The following TLE4 variants were observed in gnomAD, a reference collection of about 807,000 sequenced individuals.
TLE4 encodes the protein TLE family member 4, transcriptional corepressor.
TLE4 carries 8 observed loss-of-function variants against 92.8 expected under a neutral mutation model. The ratio of observed to expected loss-of-function variants is 0.09; its 90% CI spans 0.05 to 0.16. TLE4 has a LOEUF of 0.16. Among genes scored for constraint, TLE4 ranks in the 10% least tolerant of loss-of-function variants. TLE4 has a pLI of 1.00. For synonymous variants in TLE4, 371 were observed against 374.1 expected (o/e 0.99, Z 0.10); for missense variants, 675 against 997.6 (o/e 0.68, Z 4.36).
At chr9:79,662,933 C>T (rs548173675) in intron 8 of TLE4, among the ~76,000 whole-genome samples, 4 of 152,254 alleles carry the variant, frequency 2.6e-5, no homozygotes, top group Admixed American at 6.5e-5. Context: ...GATCCTCCCT[C>T]GCCCCCACAA....
At chr9:79,665,256 T>G (rs1360414311) in intron 8 of TLE4, among the ~76,000 whole-genome samples, 1 of 152,226 alleles carries the variant, frequency 6.6e-6, no homozygotes, top group Non-Finnish European at 1.5e-5. Flanking sequence ...CAGATGAACT[T>G]GCAGTCCAAA....
chr9:79,625,248 T>G (rs1020185833), intron 5 of TLE4, among the ~76,000 whole-genome samples: 32 of 151,770 alleles, frequency 2.1e-4, no homozygotes, highest in African/African-American at 6.3e-4. Flanking sequence ...CTCGATCTCC[T>G]GACCTCGTGA....
chr9:79,701,039 C>T (rs1198352334), intron 8 of TLE4, among the ~76,000 whole-genome samples: 1 of 152,002 alleles, frequency 6.6e-6, no homozygotes, highest in Non-Finnish European at 1.5e-5. Flanking sequence ...AAAAGCTTTT[C>T]TAGTAAAAGC....
intron 8 of TLE4, chr9:79,671,295 T>G (rs1294737588): frequency 2.2e-6 from 1 of 456,164 alleles, no homozygotes; most frequent in Admixed American, 2.3e-5. Context: ...ATCCTGATTT[T>G]AAAAGACATT....
chr9:79,643,910 TTTCTC>T (rs1486297871), intron 6 of TLE4, among the ~76,000 whole-genome samples: 9 of 152,176 alleles, frequency 5.9e-5, no homozygotes, highest in Non-Finnish European at 1.3e-4. Context: ...CTTTTCCTGT[TTTCTC>T]CTCTCCTCGC....
intron 14 of TLE4, among the ~76,000 whole-genome samples, chr9:79,713,998 G>C (rs772954568): frequency 4.4e-4 from 67 of 151,898 alleles, no homozygotes; most frequent in Non-Finnish European, 7.9e-4. Flanking sequence ...CAAGTAGCTG[G>C]GATTACAGGC....
intron 4 of TLE4, among the ~76,000 whole-genome samples, chr9:79,600,083 C>T (rs1444406612): frequency 1.3e-5 from 2 of 152,168 alleles, no homozygotes; most frequent in East Asian, 1.9e-4. Flanking sequence ...CAAAAATACA[C>T]GGGCAGTAAT....
intron 14 of TLE4, among the ~76,000 whole-genome samples, chr9:79,711,573 C>T (rs1428610368): frequency 2.0e-5 from 3 of 152,100 alleles, no homozygotes; most frequent in Non-Finnish European, 4.4e-5. Flanking sequence ...AGCATAACCA[C>T]TAGAGCAAAT....
chr9:79,646,632 C>G (rs1005117584), intron 6 of TLE4, among the ~76,000 whole-genome samples: 3 of 152,078 alleles, frequency 2.0e-5, no homozygotes, highest in African/African-American at 7.2e-5. Context: ...ACCTGCTACT[C>G]TAGTTCTAGG....
chr9:79,702,199 G>C (rs983659874), intron 8 of TLE4, among the ~76,000 whole-genome samples: 1 of 152,208 alleles, frequency 6.6e-6, no homozygotes, highest in African/African-American at 2.4e-5. Context: ...TTGGGGTGTG[G>C]AGTGAGGACT....
intron 8 of TLE4, among the ~76,000 whole-genome samples, chr9:79,688,302 T>C (rs1244160524): frequency 6.6e-6 from 1 of 152,200 alleles, no homozygotes; most frequent in African/African-American, 2.4e-5. Context: ...ACATAGTTTT[T>C]GTGACTGTTT....
At chr9:79,617,701 G>A (rs1348269547) in intron 5 of TLE4, among the ~76,000 whole-genome samples, 1 of 152,092 alleles carries the variant, frequency 6.6e-6, no homozygotes, top group South Asian at 2.1e-4. Context: ...TTTCTGGGCT[G>A]CAGTTTGCTT....
intron 9 of TLE4, among the ~76,000 whole-genome samples, chr9:79,705,127 G>T (rs550827398): frequency 5.3e-5 from 8 of 152,340 alleles, no homozygotes; most frequent in African/African-American, 1.7e-4. Flanking sequence ...GCTAACAGAA[G>T]ACCTGGATGA....
intron 4 of TLE4, among the ~76,000 whole-genome samples, chr9:79,606,225 T>TTTTTTTTTTTA (rs2046899421): frequency 7.8e-6 from 1 of 127,674 alleles, no homozygotes; most frequent in Non-Finnish European, 1.6e-5. Flanking sequence ...TTTTTTTTTT[T>TTTTTTTTTTTA]AACAAGCACT....
chr9:79,649,188 G>T (rs1238474776), intron 6 of TLE4, among the ~76,000 whole-genome samples: 1 of 151,896 alleles, frequency 6.6e-6, no homozygotes, highest in Non-Finnish European at 1.5e-5. Flanking sequence ...GTAGAGGAGG[G>T]GCTTGTTGAA....
rs955264624 is a variant in TLE4 at position 79,725,728 on chromosome 9, A to G, written c.*584A>G. The G allele has an allele frequency of 3.3e-5, 5 of 152,810 alleles. No homozygotes were observed. Among genetic ancestry groups the G allele is most frequent in the Non-Finnish European group, 7.3e-5 (5 of 68,194 alleles). 9.5% of individuals were successfully genotyped at this position (152,810 alleles called of 1,614,324 possible). On this transcript the variant is annotated 3_prime_UTR_variant, in exon 20 of 20. Transcript: ENST00000376552. ...AGACTTTTGGAAATTTGGCTGAACA[A>G]TTAGAACACAACAGGCCAACTCATA...
chr9:79,709,810 A>AT (rs1450457207), intron 14 of TLE4, 111 bp downstream of exon 14: 16 of 785,488 alleles, frequency 2.0e-5, no homozygotes, highest in South Asian at 6.4e-5. Context: ...CATGACTTGT[A>AT]TTTTTTTACC....
intron 8 of TLE4, among the ~76,000 whole-genome samples, chr9:79,658,245 A>G (rs984170919): frequency 6.6e-5 from 10 of 152,208 alleles, no homozygotes; most frequent in African/African-American, 2.2e-4. Flanking sequence ...ACAATCCGCC[A>G]ATATGGAACT....
intron 5 of TLE4, among the ~76,000 whole-genome samples, chr9:79,620,523 G>A (rs1038921605): frequency 1.1e-4 from 16 of 152,174 alleles, no homozygotes; most frequent in Admixed American, 9.2e-4. Context: ...TTAATCCCAT[G>A]TTCCACAGCT....
Sources: gnomAD v4.1 joint callset for allele counts (sites outside exome capture counted in the v4.1 genomes callset) on GRCh38, gnomAD v4.1.1 for gene constraint, MANE v1.5 for transcripts, NCBI Gene and HGNC (gene_info 2026-07-23, HGNC 2026-07-21) for gene names.